CNN2: variants seen among roughly 807,000 people sequenced by gnomAD.
The protein encoded by CNN2 is calponin 2, also known as calponin-2.
CNN2 carries 21 observed loss-of-function variants against 31.0 expected under a neutral mutation model. The observed-to-expected ratio is 0.68, with a 90% CI of 0.48 to 0.98. The LOEUF is 0.98. Ranked by LOEUF, CNN2 falls within the 50% of genes least tolerant of loss-of-function variation. The pLI is 0.00. For missense variants in CNN2, 399 were observed against 427.3 expected, an observed-to-expected ratio of 0.93 and a Z score of 0.58; for synonymous variants, 165 against 179.6, an observed-to-expected ratio of 0.92 and a Z score of 0.65.
chr19:1,028,242 C>T (rs1405520462), intron 1 of CNN2, among the ~76,000 whole-genome samples: 3 of 94,718 alleles, frequency 3.2e-5, no homozygotes, highest in Non-Finnish European at 6.5e-5. Context: ...GGTGGGGCGG[C>T]TTCCGGAGAC....
In CNN2 at chr19:1,032,159, C is replaced by T. The variant is rs540199071; in HGVS notation, c.186-233C>T. On this transcript the variant is annotated intron_variant, in intron 2 of 6. Coordinates refer to ENST00000263097, the MANE Select transcript of CNN2 (RefSeq NM_004368.4). ...CTGAGGCAGGAGAATCACTTGAACC[C>T]GGGAGGTGGAGGTGGCAGTGAGTCT... Among the ~76,000 whole-genome samples the T allele has an allele frequency of 2.1e-4, 31 of 148,746 alleles. No homozygotes were observed. The East Asian group carries it at 6.0e-3, about 29-fold the overall frequency.
chr19:1,026,898 G>A (rs1017390004), intron 1 of CNN2, 174 bp downstream of exon 1: 46 of 600,600 alleles, frequency 7.7e-5, no homozygotes, highest in Non-Finnish European at 1.3e-4. Context: ...GGCACCCCCT[G>A]AGGCTCCCGC....
intron 6 of CNN2, 48 bp from the exon 7 acceptor site, chr19:1,037,577 C>G: frequency 6.3e-7 from 1 of 1,579,574 alleles, no homozygotes; most frequent in Non-Finnish European, 8.7e-7. Context: ...CAGTGAAGGT[C>G]CCCTCTTCTC....
Position 1,038,103 on chromosome 19 carries a change from G to C in CNN2, c.*203G>C, listed in dbSNP as rs1246860441. On this transcript the variant is annotated 3_prime_UTR_variant, in exon 7 of 7. Coordinates refer to ENST00000263097, the MANE Select transcript of CNN2 (RefSeq NM_004368.4). Reference sequence around the variant, plus strand: ...CGCAAGGCTGAGCCACTGGGCTGTGGGGGAAGGGGTCAAGGCCATATCCCA... The same window carrying C: ...CGCAAGGCTGAGCCACTGGGCTGTGCGGGAAGGGGTCAAGGCCATATCCCA... 8.6e-6 allele frequency: 5 copies of C among 584,080 alleles called. No individual in the cohort carries two copies. The highest frequency in any genetic ancestry group is 1.5e-5 in the Non-Finnish European group (5 of 339,108). The allele number at this position is 584,080 out of a possible 1,614,324, so 36.2% of individuals were successfully genotyped here.
chr19:1,038,241 C>T lies in CNN2; in HGVS notation c.*341C>T, dbSNP rs2039637921. 7.4e-6 allele frequency: 2 copies of T among 270,852 alleles called. No individual in the cohort carries two copies. The highest frequency in any genetic ancestry group is 1.4e-5 in the Non-Finnish European group (2 of 143,940). 16.8% of individuals were successfully genotyped at this position (270,852 alleles called of 1,614,324 possible). A position where few individuals can be genotyped will look rare whatever the true frequency, so the allele number is the denominator to read the frequency against. ...GTTTCTGCTTGCCTCGCCTCTTCCC[C>T]CTTTTGTCAGCTGAGCAGTTTGTGG... On this transcript the variant is annotated 3_prime_UTR_variant, in exon 7 of 7. Coordinates refer to ENST00000263097, the MANE Select transcript of CNN2 (RefSeq NM_004368.4).
At chr19:1,030,023 A>G (rs1009251199) in intron 1 of CNN2, among the ~76,000 whole-genome samples, 10 of 151,942 alleles carry the variant, frequency 6.6e-5, no homozygotes, top group Non-Finnish European at 1.5e-4. Flanking sequence ...TTCTCCCTCC[A>G]GCGTTTATCT....
At chr19:1,033,410 C>T (rs1432946239) in intron 4 of CNN2, among the ~76,000 whole-genome samples, 1 of 151,948 alleles carries the variant, frequency 6.6e-6, no homozygotes, top group Non-Finnish European at 1.5e-5. Context: ...CCCAGCTACT[C>T]GGGAGGCTGA....
intron 1 of CNN2, 81 bp from the exon 2 acceptor site, chr19:1,030,990 C>T: frequency 2.0e-6 from 3 of 1,506,882 alleles, no homozygotes; most frequent in Non-Finnish European, 2.7e-6. Context: ...GTCCCCGGCC[C>T]CACCCTCTGC....
chr19:1,035,139 G>A (rs535771096), intron 4 of CNN2, among the ~76,000 whole-genome samples: 3 of 145,722 alleles, frequency 2.1e-5, no homozygotes, highest in African/African-American at 7.5e-5. Context: ...ACGGTGTCTG[G>A]TGTAGACGGG....
In CNN2 at chr19:1,031,079, C is replaced by T; in HGVS notation, c.72C>T (p.Ser24=). The T allele has an allele frequency of 6.2e-7, 1 of 1,612,528 alleles. No individual in the cohort carries two copies. The highest frequency in any genetic ancestry group is 8.5e-7 in the Non-Finnish European group (1 of 1,179,434). ...GCCCTTTGCTCCACCAGCTCCTGTC[C>T]AAATATGACCCCCAGAAGGAGGCAG... is the stretch of plus-strand genomic sequence containing the variant. The part of the protein sequence containing the change: ...LSAEVKNRLL[S]KYDPQKEAEL... The change falls in exon 2 of 7, where the codon TCC becomes TCT. Residue 24 remains serine, a synonymous_variant. Coordinates refer to ENST00000263097, the MANE Select transcript of CNN2 (RefSeq NM_004368.4).
At position 1,038,035 on chromosome 19, in the gene CNN2, G is replaced by A. The variant is rs900470708; in HGVS notation, c.*135G>A. 1 of 915,218 alleles carries A rather than the reference G, an allele frequency of 1.1e-6. No homozygotes were observed. The highest frequency in any genetic ancestry group is 1.6e-6 in the Non-Finnish European group (1 of 621,304). The allele number at this position is 915,218 out of a possible 1,614,324, so 56.7% of individuals were successfully genotyped here. On this transcript the variant is annotated 3_prime_UTR_variant, in exon 7 of 7. Coordinates refer to ENST00000263097, the MANE Select transcript of CNN2 (RefSeq NM_004368.4). ...ACCAAGGGTCTGTGAGTGTCAGCGTGGGATCAGGCAGCAGAGCTTTTTTCC... is the reference window on the plus strand; with the variant it reads ...ACCAAGGGTCTGTGAGTGTCAGCGTAGGATCAGGCAGCAGAGCTTTTTTCC...
In CNN2 at chr19:1,031,156, T is replaced by G; in HGVS notation, c.149T>G (p.Phe50Cys). ...ACCGGCCTCTCCATCGGCCCCGACT[T>G]CCAGAAGGGCCTGAAGGATGGAACT... ...GLTGLSIGPD[F>C]QKGLKDGTIL... Residue 50 changes from phenylalanine to cysteine, a missense_variant, in exon 2 of 7, where the codon TTC (phenylalanine) becomes TGC (cysteine). Transcript: ENST00000263097. 1 of 1,613,202 alleles carries G rather than the reference T, an allele frequency of 6.2e-7. No individual in the cohort carries two copies. Among genetic ancestry groups the G allele is most frequent in the Non-Finnish European group, 8.5e-7 (1 of 1,179,830 alleles).
rs2304260 is a variant in CNN2, at chr19:1,036,576, G to A, written c.654+14G>A. The A allele has an allele frequency of 0.18, 298,117 of 1,613,096 alleles. 29,248 individuals carry two copies. The highest frequency in any genetic ancestry group is 0.21 in the Non-Finnish European group (244,063 of 1,179,682). On this transcript the variant is annotated intron_variant, in intron 6 of 6. Coordinates refer to ENST00000263097, the MANE Select transcript of CNN2 (RefSeq NM_004368.4). ...TGTGCCAGCCAGGTGGGGCTCGCCC[G>A]GGTGCCCCCGACTCCTCTCCCTGCC...
chr19:1,028,687 G>A (rs1041954007), intron 1 of CNN2, among the ~76,000 whole-genome samples: 7 of 151,954 alleles, frequency 4.6e-5, no homozygotes, highest in African/African-American at 1.7e-4. Flanking sequence ...TGGAAGGCCG[G>A]CGGCCGGGCA....
At chr19:1,032,518 G>C in intron 3 of CNN2, 41 bp from the exon 4 acceptor site, 1 of 1,613,480 alleles carries the variant, frequency 6.2e-7, no homozygotes, top group Non-Finnish European at 8.5e-7. Flanking sequence ...CAGGTGGGGA[G>C]ACTGAGGCCC....
rs771258922 is a variant in CNN2 at position 1,037,825 on chromosome 19, GGGCACCGGC to G, written c.857_865del (p.Gly286_Gly288del). On this transcript the variant is annotated inframe_deletion, in exon 7 of 7. Coordinates refer to ENST00000263097, the MANE Select transcript of CNN2 (RefSeq NM_004368.4). ...GCACAGTGGCCGATGGGGCTCCCTCGGGCACCGGCGACTGCCCGGACCCGGGGGAGGTCC... is the reference window on the plus strand; with the variant it reads ...GCACAGTGGCCGATGGGGCTCCCTCGGACTGCCCGGACCCGGGGGAGGTCC... 1 of 1,608,192 alleles carries G rather than the reference GGGCACCGGC, an allele frequency of 6.2e-7. No homozygotes were observed. Among genetic ancestry groups the G allele is most frequent in the Non-Finnish European group, 8.5e-7 (1 of 1,177,364 alleles).
At chr19:1,036,661 C>T in intron 6 of CNN2, 99 bp downstream of exon 6, 2 of 1,459,380 alleles carry the variant, frequency 1.4e-6, no homozygotes, top group Non-Finnish European at 1.9e-6. Flanking sequence ...TCTCCCCACT[C>T]TCAGTCTCAG....
At position 1,031,117 on chromosome 19, in the gene CNN2, G is replaced by C; in HGVS notation, c.110G>C (p.Trp37Ser). 1 of 1,613,338 alleles carries C rather than the reference G, an allele frequency of 6.2e-7. No homozygotes were observed. Among genetic ancestry groups the C allele is most frequent in the Non-Finnish European group, 8.5e-7 (1 of 1,179,910 alleles). ...DPQKEAELRT[W>S]IEGLTGLSIG... is the part of the protein sequence containing the mutation. ...CAGAAGGAGGCAGAGCTCCGCACCT[G>C]GATCGAGGGACTCACCGGCCTCTCC... Residue 37 changes from tryptophan to serine, a missense_variant, in exon 2 of 7, where the codon TGG (tryptophan) becomes TCG (serine). Coordinates refer to ENST00000263097, the MANE Select transcript of CNN2 (RefSeq NM_004368.4).
chr19:1,036,998 C>T, intron 6 of CNN2: 1 of 257,538 alleles, frequency 3.9e-6, no homozygotes, highest in Non-Finnish European at 7.7e-6. Context: ...GCTGGGACTA[C>T]AGGTGCATGC....
Sources: gnomAD v4.1 joint callset for allele counts (sites outside exome capture counted in the v4.1 genomes callset) on GRCh38, gnomAD v4.1.1 for gene constraint, MANE v1.5 for transcripts, NCBI Gene and HGNC (gene_info 2026-07-23, HGNC 2026-07-21) for gene names.